The following CCDC148 variants were observed in gnomAD, a reference collection of about 807,000 sequenced individuals.
The protein encoded by CCDC148 is coiled-coil domain containing 148.
Under a neutral mutation model 85.7 loss-of-function variants are expected in CCDC148, and 89 were observed. The observed-to-expected ratio is 1.04, with a 90% confidence interval of 0.87 to 1.24. CCDC148 has a LOEUF of 1.24. Among genes scored for constraint, CCDC148 ranks in the 50% most tolerant of loss-of-function variants. CCDC148 has a pLI of 0.00. For synonymous variants in CCDC148, 230 were observed against 213.9 expected, an observed-to-expected ratio of 1.08 and a Z score of -0.66; for missense variants, 692 against 671.7, an observed-to-expected ratio of 1.03 and a Z score of -0.33.
chr2:158,171,134 G>A lies in CCDC148; in HGVS notation c.*979C>T, dbSNP rs896157697. On this transcript the variant is annotated 3_prime_UTR_variant, in exon 14 of 14. Coordinates refer to ENST00000283233, the MANE Select transcript of CCDC148 (RefSeq NM_138803.4). The stretch of plus-strand genomic sequence containing the variant: ...GTATTTTTTATTTCCATGATGTTGG[G>A]GACAATCATAAAGTCAAAGATTCCA... The A allele has an allele frequency of 6.6e-6, 1 of 151,408 alleles. No homozygotes were observed. The highest frequency in any genetic ancestry group is 1.5e-5 in the Non-Finnish European group (1 of 67,846). The allele number at this position is 151,408 out of a possible 1,614,324, so 9.4% of individuals were successfully genotyped here.
chr2:158,433,793 G>A (rs1687495371), intron 1 of CCDC148, among the ~76,000 whole-genome samples: 2 of 152,218 alleles, frequency 1.3e-5, no homozygotes, highest in Admixed American at 1.3e-4. Flanking sequence ...GCTTTTCCAA[G>A]GGTCTTAGCA....
chr2:158,368,465 C>T (rs1443055830), intron 1 of CCDC148, among the ~76,000 whole-genome samples: 1 of 152,028 alleles, frequency 6.6e-6, no homozygotes, highest in Non-Finnish European at 1.5e-5. Context: ...CTTTTGGCTG[C>T]ATAACTGCTA....
chr2:158,375,366 T>G (rs1209569952), intron 1 of CCDC148, among the ~76,000 whole-genome samples: 1 of 152,126 alleles, frequency 6.6e-6, no homozygotes, highest in African/African-American at 2.4e-5. Flanking sequence ...ACAAAAATGA[T>G]TCAAAACACA....
At chr2:158,433,094 A>ATATATATATATATC (rs1687446446) in intron 1 of CCDC148, among the ~76,000 whole-genome samples, 1 of 119,444 alleles carries the variant, frequency 8.4e-6, no homozygotes, top group South Asian at 2.9e-4. Flanking sequence ...AAAAAAAAAT[A>ATATATATATATATC]TATATATATA....
At chr2:158,282,157 C>T (rs1047313008) in intron 9 of CCDC148, among the ~76,000 whole-genome samples, 79 of 151,682 alleles carry the variant, frequency 5.2e-4, no homozygotes, top group Non-Finnish European at 9.7e-4. Flanking sequence ...TATGACAAAC[C>T]CACAGTCAAT....
At position 158,203,242 on chromosome 2, in the gene CCDC148, GT is replaced by G. The variant is rs199883478; in HGVS notation, c.1370+17352del. Among the ~76,000 whole-genome samples, 127 of 152,278 alleles carry G rather than the reference GT, an allele frequency of 8.3e-4. 1 individual carries two copies. In the East Asian group the frequency reaches 0.023, roughly 28 times the overall value. On this transcript the variant is annotated intron_variant, in intron 11 of 13. Coordinates refer to ENST00000283233, the MANE Select transcript of CCDC148 (RefSeq NM_138803.4). ...CTTTACCTTGACAGATCAATCTCAT[GT>G]TTATCTGTGCAATAAAATGGGTTTG...
chr2:158,221,986 CAG>C (rs1028512554), intron 10 of CCDC148, among the ~76,000 whole-genome samples: 2 of 152,114 alleles, frequency 1.3e-5, no homozygotes, highest in Admixed American at 1.3e-4. Flanking sequence ...CTATTAATGA[CAG>C]ATACGGAAAT....
At chr2:158,202,572 T>C (rs1686022977) in intron 11 of CCDC148, among the ~76,000 whole-genome samples, 1 of 152,164 alleles carries the variant, frequency 6.6e-6, no homozygotes, top group South Asian at 2.1e-4. Flanking sequence ...TGCCAAATAA[T>C]AAATATTTCA....
intron 7 of CCDC148, among the ~76,000 whole-genome samples, chr2:158,337,517 G>A (rs994221006): frequency 6.6e-6 from 1 of 152,116 alleles, no homozygotes; most frequent in Non-Finnish European, 1.5e-5. Context: ...CTACGACTGA[G>A]TTCCAGTTAA....
intron 2 of CCDC148, among the ~76,000 whole-genome samples, chr2:158,347,899 T>C (rs1683073975): frequency 6.6e-6 from 1 of 152,012 alleles, no homozygotes; most frequent in Non-Finnish European, 1.5e-5. Context: ...ACTGTTAACA[T>C]AAATAAAAAG....
chr2:158,302,950 G>T (rs1691515222), intron 9 of CCDC148, among the ~76,000 whole-genome samples: 1 of 152,088 alleles, frequency 6.6e-6, no homozygotes, highest in African/African-American at 2.4e-5. Flanking sequence ...AGGAGATTGA[G>T]AGCTCTGCTT....
rs955746033 is a variant in CCDC148, at chr2:158,328,167, G to A, written c.764+10559C>T. ...TCACCTAATGCTATCCCTCCCCTCC[G>A]CCCACCCCACAACAGGCCCCAGTGT... is the stretch of plus-strand genomic sequence containing the variant. On this transcript the variant is annotated intron_variant, in intron 7 of 13. Transcript: ENST00000283233. 7.3e-5 allele frequency among the ~76,000 whole-genome samples: 11 copies of A among 151,190 alleles called. No homozygotes were observed. In the East Asian group the frequency reaches 7.7e-4, roughly 11 times the overall value.
intron 7 of CCDC148, among the ~76,000 whole-genome samples, chr2:158,327,092 A>G (rs947959151): frequency 6.6e-6 from 1 of 152,142 alleles, no homozygotes; most frequent in Admixed American, 6.6e-5. Flanking sequence ...TCAATCTTTC[A>G]CTACTGCAAT....
At chr2:158,341,697 C>T (rs904026914) in intron 3 of CCDC148, among the ~76,000 whole-genome samples, 2 of 152,096 alleles carry the variant, frequency 1.3e-5, no homozygotes, top group South Asian at 2.1e-4. Flanking sequence ...TTATAGCCTA[C>T]CCCTTGCTTA....
At chr2:158,360,505 C>G (rs1030858795) in intron 1 of CCDC148, among the ~76,000 whole-genome samples, 1 of 152,290 alleles carries the variant, frequency 6.6e-6, no homozygotes, top group South Asian at 2.1e-4. Context: ...TGTTCTGCAG[C>G]CTCCACTGGT....
chr2:158,185,635 G>C (rs970569451), intron 11 of CCDC148, among the ~76,000 whole-genome samples: 1 of 152,132 alleles, frequency 6.6e-6, no homozygotes. Context: ...AGGACAAGCT[G>C]TGAAGAGAGA....
At chr2:158,406,629 T>TTTTTG (rs1559124685) in intron 1 of CCDC148, among the ~76,000 whole-genome samples, 7 of 117,486 alleles carry the variant, frequency 6.0e-5, no homozygotes, top group Admixed American at 9.7e-5. Flanking sequence ...TTTTTTTTTT[T>TTTTTG]TTTTTTTTTT....
chr2:158,369,882 G>C (rs1684364778), intron 1 of CCDC148, among the ~76,000 whole-genome samples: 1 of 152,096 alleles, frequency 6.6e-6, no homozygotes. Flanking sequence ...TAACATGAAG[G>C]GATGTTGAAT....
chr2:158,431,176 G>T (rs182442329), intron 1 of CCDC148, among the ~76,000 whole-genome samples: 1 of 151,552 alleles, frequency 6.6e-6, no homozygotes, highest in East Asian at 1.9e-4. Flanking sequence ...AAAAATAAAA[G>T]TCAAAATGTT....
Sources: allele counts gnomAD v4.1 joint callset (sites outside exome capture counted in the v4.1 genomes callset), GRCh38; gene constraint gnomAD v4.1.1; transcripts MANE v1.5; gene names NCBI Gene and HGNC (gene_info 2026-07-23, HGNC 2026-07-21).